CCDC102B: variants seen among roughly 807,000 people sequenced by gnomAD.
The protein encoded by CCDC102B is coiled-coil domain containing 102B.
A neutral mutation model predicts 57.4 loss-of-function variants in CCDC102B; 75 were observed. That is an observed-to-expected ratio of 1.31 (90% CI 1.08 to 1.58). CCDC102B has a LOEUF of 1.58. Ranked by LOEUF, CCDC102B falls within the 40% of genes most tolerant of loss-of-function variation. The pLI is 0.00. For synonymous variants in CCDC102B, 206 were observed against 201.9 expected (o/e 1.02, Z -0.17); for missense variants, 636 against 582.6 (o/e 1.09, Z -0.94).
intron 2 of CCDC102B, among the ~76,000 whole-genome samples, chr18:68,733,075 A>T (rs1440985650): frequency 6.6e-6 from 1 of 152,158 alleles, no homozygotes; most frequent in Non-Finnish European, 1.5e-5. Flanking sequence ...AATGATCTTT[A>T]TGTAAATTCG....
At chr18:68,940,719 TGGC>T (rs2049355498) in intron 6 of CCDC102B, among the ~76,000 whole-genome samples, 1 of 151,922 alleles carries the variant, frequency 6.6e-6, no homozygotes, top group African/African-American at 2.4e-5. Flanking sequence ...ATATTTATAA[TGGC>T]TATATATATA....
intron 5 of CCDC102B, among the ~76,000 whole-genome samples, chr18:68,884,493 A>T (rs2039805868): frequency 6.6e-6 from 1 of 151,842 alleles, no homozygotes; most frequent in African/African-American, 2.4e-5. Flanking sequence ...AGAGAACAAA[A>T]AAGTGGGTCC....
chr18:68,932,055 G>T (rs2041691824), intron 6 of CCDC102B, among the ~76,000 whole-genome samples: 1 of 151,528 alleles, frequency 6.6e-6, no homozygotes, highest in Non-Finnish European at 1.5e-5. Flanking sequence ...TTGTTGAACT[G>T]ATGTATGAAT....
At position 68,837,338 on chromosome 18, in the gene CCDC102B, A is replaced by G. The variant is rs774031172; in HGVS notation, c.575A>G (p.Gln192Arg). ...ESIREYLVKR[Q>R]FSTKEDTNNK... ...ATCAGAGAGTATTTGGTAAAAAGAC[A>G]ATTTTCTACAAAGGAGGACACAAAT... The change falls in exon 2 of 8, where the codon CAA becomes CGA. Residue 192 changes from glutamine (Q) to arginine (R), a missense_variant. Physicochemically the swap from Gln to Arg is conservative, Grantham distance 43 (BLOSUM62 1). Coordinates refer to ENST00000360242, the MANE Select transcript of CCDC102B (RefSeq NM_024781.3). The G allele has an allele frequency of 2.5e-6, 4 of 1,609,458 alleles. No individual in the cohort carries two copies. In the South Asian group the frequency reaches 4.4e-5, roughly 18 times the overall value.
In CCDC102B at chr18:68,964,070, T is replaced by C. The variant is rs76640467; in HGVS notation, c.1264-46864T>C. ...TGTCTGTCTTCGGGTCTGGAAAATT[T>C]TCATCTCTAATTGCTTTACTTATTA... is the stretch of plus-strand genomic sequence containing the variant. On this transcript the variant is annotated intron_variant, in intron 6 of 7. Coordinates refer to ENST00000360242, the MANE Select transcript of CCDC102B (RefSeq NM_024781.3). Among the ~76,000 whole-genome samples the C allele has an allele frequency of 7.9e-3, 1,206 of 152,018 alleles. 7 individuals are homozygous for C. The highest frequency in any genetic ancestry group is 0.012 in the Non-Finnish European group (810 of 67,822).
intron 4 of CCDC102B, among the ~76,000 whole-genome samples, chr18:68,855,367 C>A (rs1481446311): frequency 6.6e-6 from 1 of 152,126 alleles, no homozygotes; most frequent in African/African-American, 2.4e-5. Context: ...GTGCTCCAAG[C>A]AGAAACTCTC....
At chr18:68,781,410 ATTAG>A (rs1319354800) in intron 2 of CCDC102B, among the ~76,000 whole-genome samples, 5 of 152,084 alleles carry the variant, frequency 3.3e-5, no homozygotes, top group African/African-American at 1.2e-4. Context: ...ATTTTATTAG[ATTAG>A]TTATTTTCCA....
chr18:69,044,902 G>A (rs1276470472), intron 7 of CCDC102B, among the ~76,000 whole-genome samples: 2 of 152,094 alleles, frequency 1.3e-5, no homozygotes, highest in African/African-American at 4.8e-5. Context: ...CACATTTCTG[G>A]AGGCTGTACG....
At chr18:68,812,951 C>G (rs61556911) in intron 1 of CCDC102B, among the ~76,000 whole-genome samples, 26,433 of 151,584 alleles carry the variant, frequency 0.17, 2,612 homozygotes, top group East Asian at 0.35. Flanking sequence ...AGAAGGGAAG[C>G]TGAGGTCAGA....
chr18:68,780,117 C>T (rs928280257), intron 2 of CCDC102B, among the ~76,000 whole-genome samples: 4 of 152,140 alleles, frequency 2.6e-5, no homozygotes, highest in Middle Eastern at 3.4e-3. Context: ...TTATACAATA[C>T]GTTGTTTTTT....
chr18:69,054,858 A>G lies in CCDC102B; in HGVS notation c.*721A>G, dbSNP rs2052789326. On this transcript the variant is annotated 3_prime_UTR_variant, in exon 8 of 8. Transcript: ENST00000360242. Reference sequence around the variant, plus strand: ...CAGCATTGCAAAGTAGCATCTAGGTAGAAATCAGGCCAAAATTAAGCTGTG... The same window carrying G: ...CAGCATTGCAAAGTAGCATCTAGGTGGAAATCAGGCCAAAATTAAGCTGTG... 2.0e-6 allele frequency: 2 copies of G among 985,238 alleles called. No homozygotes were observed. The highest frequency in any genetic ancestry group is 1.7e-5 in the African/African-American group (1 of 57,244). 61.0% of individuals were successfully genotyped at this position (985,238 alleles called of 1,614,324 possible).
rs149964917 is a variant in CCDC102B, at chr18:68,995,215, C to T, written c.1264-15719C>T. On this transcript the variant is annotated intron_variant, in intron 6 of 7. Coordinates refer to ENST00000360242, the MANE Select transcript of CCDC102B (RefSeq NM_024781.3). ...ACTTATGTTTAAAAGGGAAGCAGAGCGTAAAAATTTGGGAAATTTGCAGCC... is the reference window on the plus strand; with the variant it reads ...ACTTATGTTTAAAAGGGAAGCAGAGTGTAAAAATTTGGGAAATTTGCAGCC... Among the ~76,000 whole-genome samples the T allele has an allele frequency of 1.3e-4, 20 of 152,086 alleles. 1 individual carries two copies. In the East Asian group the frequency reaches 2.3e-3, roughly 18 times the overall value.
chr18:68,869,120 A>G (rs1021878155), intron 4 of CCDC102B, among the ~76,000 whole-genome samples: 1 of 152,114 alleles, frequency 6.6e-6, no homozygotes, highest in Non-Finnish European at 1.5e-5. Flanking sequence ...AAGACAGTGA[A>G]TTTGGTTCTG....
chr18:68,968,362 T>G (rs2050214051), intron 6 of CCDC102B, among the ~76,000 whole-genome samples: 1 of 152,192 alleles, frequency 6.6e-6, no homozygotes, highest in Non-Finnish European at 1.5e-5. Flanking sequence ...ACACTAACTT[T>G]GCTTTAAACT....
intron 4 of CCDC102B, among the ~76,000 whole-genome samples, chr18:68,873,724 T>C (rs1050372501): frequency 6.6e-6 from 1 of 152,074 alleles, no homozygotes; most frequent in Non-Finnish European, 1.5e-5. Context: ...AGTACTACTT[T>C]TGTATTTTTA....
intron 2 of CCDC102B, among the ~76,000 whole-genome samples, chr18:68,718,572 G>A (rs367733667): frequency 7.2e-5 from 11 of 152,198 alleles, no homozygotes; most frequent in Middle Eastern, 3.4e-3. Flanking sequence ...TGTACCTTTC[G>A]GGTTTCTGTA....
chr18:68,806,055 A>G (rs574347501), intron 1 of CCDC102B, among the ~76,000 whole-genome samples: 4 of 149,976 alleles, frequency 2.7e-5, no homozygotes, highest in Admixed American at 6.6e-5. Flanking sequence ...TTACAAGCCC[A>G]TAATTTTTTT....
At chr18:68,954,119 T>A (rs1260197222) in intron 6 of CCDC102B, among the ~76,000 whole-genome samples, 1 of 152,172 alleles carries the variant, frequency 6.6e-6, no homozygotes, top group African/African-American at 2.4e-5. Flanking sequence ...TCAATTATCC[T>A]GTGTTAAAGA....
intron 7 of CCDC102B, among the ~76,000 whole-genome samples, chr18:69,014,092 T>C (rs2145402175): frequency 6.6e-6 from 1 of 152,296 alleles, no homozygotes. Flanking sequence ...AGAGAAATGT[T>C]TCTAAAAGTA....
Sources: allele counts gnomAD v4.1 joint callset (sites outside exome capture counted in the v4.1 genomes callset), GRCh38; gene constraint gnomAD v4.1.1; transcripts MANE v1.5; gene names NCBI Gene and HGNC (gene_info 2026-07-23, HGNC 2026-07-21).